Variants in NDST3 observed in about 807,000 individuals in gnomAD.
The protein encoded by NDST3 is N-deacetylase and N-sulfotransferase 3.
NDST3 carries 58 observed loss-of-function variants against 96.1 expected under a neutral mutation model. That is an observed-to-expected ratio of 0.60 (90% CI 0.49 to 0.75). The LOEUF is 0.75. Ranked by LOEUF, NDST3 falls within the 30% of genes least tolerant of loss-of-function variation. NDST3 has a pLI of 0.00. For synonymous variants in NDST3, 333 were observed against 359.7 expected, an observed-to-expected ratio of 0.93 and a Z score of 0.84; for missense variants, 788 against 1,034.2, an observed-to-expected ratio of 0.76 and a Z score of 3.27.
chr4:118,112,674 A>G (rs1730736939), intron 3 of NDST3, among the ~76,000 whole-genome samples: 2 of 152,210 alleles, frequency 1.3e-5, no homozygotes, highest in Non-Finnish European at 2.9e-5. Flanking sequence ...TAAGATCACC[A>G]GTCACACCTA....
At chr4:118,150,870 A>C (rs940148256) in intron 6 of NDST3, among the ~76,000 whole-genome samples, 2 of 152,146 alleles carry the variant, frequency 1.3e-5, no homozygotes, top group African/African-American at 2.4e-5. Context: ...CATTTGACCC[A>C]GCCATCCCAT....
chr4:118,180,547 C>G (rs751147086), intron 6 of NDST3, among the ~76,000 whole-genome samples: 2 of 152,114 alleles, frequency 1.3e-5, no homozygotes, highest in Non-Finnish European at 2.9e-5. Context: ...AAATAACCCA[C>G]TAAATGCCAG....
chr4:118,051,509 C>G (rs950761660), intron 1 of NDST3, among the ~76,000 whole-genome samples: 1 of 151,984 alleles, frequency 6.6e-6, no homozygotes, highest in Admixed American at 6.6e-5. Flanking sequence ...AAGTGTGCAT[C>G]CAACAAAGGT....
intron 4 of NDST3, among the ~76,000 whole-genome samples, chr4:118,126,283 A>T (rs1732053599): frequency 1.3e-5 from 2 of 151,826 alleles, no homozygotes; most frequent in Admixed American, 1.3e-4. Context: ...TATCCTACCC[A>T]GTTTCTGGTA....
intron 5 of NDST3, among the ~76,000 whole-genome samples, chr4:118,138,780 C>G (rs1733333809): frequency 6.6e-6 from 1 of 152,186 alleles, no homozygotes; most frequent in Admixed American, 6.5e-5. Flanking sequence ...CTAATTCTAT[C>G]CTGGGCTTCT....
At chr4:118,178,980 G>C (rs1258759630) in intron 6 of NDST3, among the ~76,000 whole-genome samples, 2 of 151,972 alleles carry the variant, frequency 1.3e-5, no homozygotes, top group Non-Finnish European at 2.9e-5. Context: ...GAAGGCATGA[G>C]GTTAAATATA....
At chr4:118,221,046 G>A (rs564700446) in intron 6 of NDST3, among the ~76,000 whole-genome samples, 17 of 152,036 alleles carry the variant, frequency 1.1e-4, no homozygotes, top group South Asian at 1.0e-3. Flanking sequence ...TAAAATGCAG[G>A]TACCAGGGCC....
intron 4 of NDST3, among the ~76,000 whole-genome samples, chr4:118,121,383 G>T (rs1221566236): frequency 6.6e-6 from 1 of 151,974 alleles, no homozygotes; most frequent in African/African-American, 2.4e-5. Flanking sequence ...ATTATTTTTA[G>T]AATTATATAT....
intron 6 of NDST3, chr4:118,193,325 T>A (rs1737436552): frequency 2.4e-6 from 1 of 412,302 alleles, no homozygotes; most frequent in Non-Finnish European, 4.4e-6. Context: ...CTCAAAATTC[T>A]TCAGTTTTTA....
At chr4:118,126,556 A>ACC (rs1732107949) in intron 4 of NDST3, among the ~76,000 whole-genome samples, 1 of 137,044 alleles carries the variant, frequency 7.3e-6, no homozygotes, top group Non-Finnish European at 1.6e-5. Flanking sequence ...ATATATATAC[A>ACC]CCTCATAATA....
At chr4:118,108,911 T>C (rs529712210) in intron 3 of NDST3, among the ~76,000 whole-genome samples, 47 of 152,330 alleles carry the variant, frequency 3.1e-4, no homozygotes, top group Middle Eastern at 3.4e-3. Context: ...CTCATGATTA[T>C]GTTTGACTTT....
intron 4 of NDST3, among the ~76,000 whole-genome samples, chr4:118,127,735 T>C (rs1005473723): frequency 6.6e-6 from 1 of 152,070 alleles, no homozygotes; most frequent in African/African-American, 2.4e-5. Flanking sequence ...AAAAATATCA[T>C]TGGCATTTTG....
chr4:118,065,795 A>T (rs943399929), intron 2 of NDST3, among the ~76,000 whole-genome samples: 17 of 151,578 alleles, frequency 1.1e-4, no homozygotes, highest in African/African-American at 3.6e-4. Context: ...TTATCTGTTC[A>T]TCCCTTCTGT....
At chr4:118,134,745 A>G (rs560340509) in intron 4 of NDST3, among the ~76,000 whole-genome samples, 11 of 152,280 alleles carry the variant, frequency 7.2e-5, no homozygotes, top group Middle Eastern at 3.4e-3. Flanking sequence ...TATTAATTCC[A>G]CTTGTGATCC....
intron 6 of NDST3, among the ~76,000 whole-genome samples, chr4:118,219,090 TATC>T (rs1325723875): frequency 6.6e-6 from 1 of 152,100 alleles, no homozygotes; most frequent in African/African-American, 2.4e-5. Context: ...GAAGAATCAA[TATC>T]ATTAAAATGG....
intron 2 of NDST3, among the ~76,000 whole-genome samples, chr4:118,059,315 TA>T (rs1239224071): frequency 2.0e-5 from 3 of 152,108 alleles, no homozygotes; most frequent in African/African-American, 4.8e-5. Flanking sequence ...CAATATACCA[TA>T]ACTTGTCTAT....
chr4:118,054,501 T>G lies in NDST3; in HGVS notation c.591T>G (p.Pro197=). The G allele has an allele frequency of 1.2e-6, 2 of 1,613,236 alleles. No individual in the cohort carries two copies. Among genetic ancestry groups the G allele is most frequent in the South Asian group, 2.2e-5 (2 of 91,066 alleles). The change falls in exon 2 of 14, where the codon CCT becomes CCG. Residue 197 remains proline (P), a synonymous_variant. Transcript: ENST00000296499. ...NLAVKDCCIN[P]HSPLIRVTKS... is the part of the protein sequence containing the mutation. ...CAGTAAAAGATTGTTGTATTAATCC[T>G]CATTCTCCATTGATTCGTGTGACCA... is the stretch of plus-strand genomic sequence containing the variant.
chr4:118,138,904 C>T (rs1053323278), intron 5 of NDST3, among the ~76,000 whole-genome samples: 4 of 152,086 alleles, frequency 2.6e-5, no homozygotes, highest in Non-Finnish European at 4.4e-5. Flanking sequence ...CTAAGAAAGT[C>T]CTGGTAAAGC....
intron 2 of NDST3, among the ~76,000 whole-genome samples, chr4:118,100,002 G>T (rs932224390): frequency 6.6e-6 from 1 of 151,992 alleles, no homozygotes; most frequent in Admixed American, 6.6e-5. Flanking sequence ...AACATTACTA[G>T]TTTGGCTGGT....
Sources: allele counts gnomAD v4.1 joint callset (sites outside exome capture counted in the v4.1 genomes callset), GRCh38; gene constraint gnomAD v4.1.1; transcripts MANE v1.5; gene names NCBI Gene and HGNC (gene_info 2026-07-23, HGNC 2026-07-21).